P2RX3: variants seen among roughly 807,000 people sequenced by gnomAD.
P2RX3 encodes the protein purinergic receptor P2X 3, also known as P2X purinoceptor 3.
Under a neutral mutation model 51.5 loss-of-function variants are expected in P2RX3, and 41 were observed. That is an observed-to-expected ratio of 0.80 (90% CI 0.62 to 1.03). The LOEUF (loss-of-function observed/expected upper bound fraction) is 1.03. Ranked by LOEUF, P2RX3 falls within the 50% of genes least tolerant of loss-of-function variation. The pLI is 0.00. For synonymous variants in P2RX3, 185 were observed against 191.6 expected (o/e 0.97, Z 0.29); for missense variants, 459 against 522.1 (o/e 0.88, Z 1.18).
chr11:57,349,579 G>C (rs1466639327), intron 6 of P2RX3, among the ~76,000 whole-genome samples, 178 bp from the exon 7 acceptor site: 3 of 152,186 alleles, frequency 2.0e-5, no homozygotes, highest in South Asian at 2.1e-4. Context: ...CAGGGAAGGC[G>C]GTGATGGGGC....
chr11:57,339,521 A>G (rs1320017803), intron 1 of P2RX3, among the ~76,000 whole-genome samples: 1 of 151,094 alleles, frequency 6.6e-6, no homozygotes, highest in Non-Finnish European at 1.5e-5. Context: ...ACACACCTAC[A>G]CACACACACA....
At chr11:57,339,878 GA>G (rs1490158280) in intron 1 of P2RX3, among the ~76,000 whole-genome samples, 1 of 152,184 alleles carries the variant, frequency 6.6e-6, no homozygotes, top group Non-Finnish European at 1.5e-5. Flanking sequence ...CTTTTTAGGT[GA>G]TTTTTTGCTC....
Position 57,347,053 on chromosome 11 carries a change from A to C in P2RX3, c.256-63A>C, listed in dbSNP as rs1856449385. ...ATCTGTAGAGTGGGGATAATCAGTTATAGTCCCTGTCTCACTGATTGGGAC... is the reference window on the plus strand; with the variant it reads ...ATCTGTAGAGTGGGGATAATCAGTTCTAGTCCCTGTCTCACTGATTGGGAC... On this transcript the variant is annotated intron_variant, in intron 2 of 11. Coordinates refer to ENST00000263314, the MANE Select transcript of P2RX3 (RefSeq NM_002559.5). 8 of 1,485,302 alleles carry C rather than the reference A, an allele frequency of 5.4e-6. No homozygotes were observed. The Admixed American group carries it at 6.8e-5, about 13-fold the overall frequency. 92.0% of individuals were successfully genotyped at this position (1,485,302 alleles called of 1,614,324 possible).
At chr11:57,358,405 T>C (rs1856663604) in intron 8 of P2RX3, among the ~76,000 whole-genome samples, 1 of 152,198 alleles carries the variant, frequency 6.6e-6, no homozygotes. Context: ...CAAGTTTTAA[T>C]ATAGTGATGA....
chr11:57,341,479 T>C (rs1210015874), intron 1 of P2RX3, among the ~76,000 whole-genome samples: 1 of 152,042 alleles, frequency 6.6e-6, no homozygotes, highest in East Asian at 1.9e-4. Flanking sequence ...GTTGACACCA[T>C]TTCATCACTA....
chr11:57,364,240 T>C (rs1856764316), intron 8 of P2RX3, among the ~76,000 whole-genome samples: 2 of 152,186 alleles, frequency 1.3e-5, no homozygotes, highest in Admixed American at 6.5e-5. Flanking sequence ...CCTTAAATTC[T>C]CCAGTGATGT....
At chr11:57,336,831 A>G (rs566455515), upstream of P2RX3, among the ~76,000 whole-genome samples, 1 of 152,220 alleles carries the variant, frequency 6.6e-6, no homozygotes, top group African/African-American at 2.4e-5. Flanking sequence ...GGGGTAAGAG[A>G]CAACAGGAAT....
At chr11:57,346,729 G>C in intron 2 of P2RX3, 50 bp downstream of exon 2, 1 of 1,598,664 alleles carries the variant, frequency 6.3e-7, no homozygotes, top group Non-Finnish European at 8.5e-7. Flanking sequence ...ACACTGGGCA[G>C]GTTGGAAGGG....
At chr11:57,364,018 C>T (rs1565072485) in intron 8 of P2RX3, among the ~76,000 whole-genome samples, 1 of 152,196 alleles carries the variant, frequency 6.6e-6, no homozygotes, top group Non-Finnish European at 1.5e-5. Context: ...TTAGCCAGCC[C>T]TCACTTTGAA....
At chr11:57,351,819 G>A (rs1856553331) in intron 8 of P2RX3, among the ~76,000 whole-genome samples, 1 of 152,266 alleles carries the variant, frequency 6.6e-6, no homozygotes, top group South Asian at 2.1e-4. Flanking sequence ...AGACTACAAG[G>A]TCAACACTAC....
At chr11:57,349,988 G>C in intron 7 of P2RX3, 90 bp downstream of exon 7, 1 of 1,537,160 alleles carries the variant, frequency 6.5e-7, no homozygotes, top group Non-Finnish European at 8.8e-7. Context: ...CACTGGCCAG[G>C]AGCCGCCGCG....
Position 57,371,805 on chromosome 11 carries a change from C to T in P2RX3, c.*1808C>T, listed in dbSNP as rs575760719. Reference sequence around the variant, plus strand: ...TCCACCTGGGACTCCCCCAGGCATCCCTGGGGAATTCAGCTCTTGGGAGGC... The same window carrying T: ...TCCACCTGGGACTCCCCCAGGCATCTCTGGGGAATTCAGCTCTTGGGAGGC... On this transcript the variant is annotated 3_prime_UTR_variant, in exon 12 of 12. Transcript: ENST00000263314. Among the ~76,000 whole-genome samples the T allele has an allele frequency of 2.6e-5, 4 of 152,310 alleles. No homozygotes were observed. The South Asian group carries it at 6.2e-4, about 24-fold the overall frequency.
In P2RX3 at chr11:57,371,547, G is replaced by A. The variant is rs1208141178; in HGVS notation, c.*1550G>A. Among the ~76,000 whole-genome samples, 1 of 152,268 alleles carries A rather than the reference G, an allele frequency of 6.6e-6. No homozygotes were observed. Among genetic ancestry groups the A allele is most frequent in the East Asian group, 1.9e-4 (1 of 5,174 alleles). ...AGTAGTTCAGGAGGCTCAAATGGTG[G>A]GTACTTGCAAAGGCCTTGCCCAATG... On this transcript the variant is annotated 3_prime_UTR_variant, in exon 12 of 12. Transcript: ENST00000263314.
intron 1 of P2RX3, among the ~76,000 whole-genome samples, chr11:57,343,052 C>G (rs1037346607): frequency 3.9e-5 from 6 of 152,212 alleles, no homozygotes; most frequent in Non-Finnish European, 7.3e-5. Context: ...CTCAGGCCTG[C>G]CCTAGCTCCT....
intron 8 of P2RX3, among the ~76,000 whole-genome samples, chr11:57,361,224 C>T (rs1322406745): frequency 6.6e-6 from 1 of 152,172 alleles, no homozygotes; most frequent in Non-Finnish European, 1.5e-5. Context: ...GGAAAGCGGC[C>T]CCTGCCTCTG....
At chr11:57,349,968 C>G in intron 7 of P2RX3, 70 bp downstream of exon 7, 1 of 1,590,894 alleles carries the variant, frequency 6.3e-7, no homozygotes, top group Non-Finnish European at 8.6e-7. Context: ...TTTCAGGGCC[C>G]TTTGGCCGGC....
In P2RX3 at chr11:57,368,273, C is replaced by G. The variant is rs771271920; in HGVS notation, c.937-99C>G. On this transcript the variant is annotated intron_variant, in intron 9 of 11. Coordinates refer to ENST00000263314, the MANE Select transcript of P2RX3 (RefSeq NM_002559.5). ...CTGTCCCGTGAAGGGGAGGGATCTG[C>G]TGATCCACCAAGAACCCTTCTGGCG... is the stretch of plus-strand genomic sequence containing the variant. 855 of 1,399,220 alleles carry G rather than the reference C, an allele frequency of 6.1e-4. 1 individual carries two copies. Among genetic ancestry groups the G allele is most frequent in the Non-Finnish European group, 7.9e-4 (784 of 989,972 alleles). The allele number at this position is 1,399,220 out of a possible 1,614,324, so 86.7% of individuals were successfully genotyped here.
At position 57,350,909 on chromosome 11, in the gene P2RX3, G is replaced by A; in HGVS notation, c.842+11G>A. On this transcript the variant is annotated intron_variant, in intron 8 of 11. Coordinates refer to ENST00000263314, the MANE Select transcript of P2RX3 (RefSeq NM_002559.5). ...AGGCTACAACTTCAGGTAATTCCCT[G>A]TCTCCTGGGACACCAGGAGAAGAAG... is the stretch of plus-strand genomic sequence containing the variant. The A allele has an allele frequency of 6.2e-7, 1 of 1,614,088 alleles. No individual in the cohort carries two copies. The highest frequency in any genetic ancestry group is 1.1e-5 in the South Asian group (1 of 91,084).
chr11:57,362,064 T>C (rs1472398511), intron 8 of P2RX3, among the ~76,000 whole-genome samples: 1 of 152,232 alleles, frequency 6.6e-6, no homozygotes, highest in Non-Finnish European at 1.5e-5. Flanking sequence ...AGAGCAGGTG[T>C]GCTCCAAATG....
Sources: gnomAD v4.1 joint callset for allele counts (sites outside exome capture counted in the v4.1 genomes callset) on GRCh38, gnomAD v4.1.1 for gene constraint, MANE v1.5 for transcripts, NCBI Gene and HGNC (gene_info 2026-07-23, HGNC 2026-07-21) for gene names.